EPHB1: variants seen among roughly 807,000 people sequenced by gnomAD.
The protein encoded by EPHB1 is ephrin type-B receptor 1.
In EPHB1, 30 loss-of-function variants were observed where a neutral mutation model predicts 94.4. The observed-to-expected ratio is 0.32, with a 90% CI of 0.24 to 0.43. The LOEUF is 0.43. Ranked by LOEUF, EPHB1 falls within the 20% of genes least tolerant of loss-of-function variation. The probability of loss-of-function intolerance (pLI) is 1.00; values close to 1 mark genes in which losing one functional copy is unlikely to be tolerated. For synonymous variants in EPHB1, 522 were observed against 489.1 expected, an observed-to-expected ratio of 1.07 and a Z score of -0.89; for missense variants, 1,055 against 1,308.3, an observed-to-expected ratio of 0.81 and a Z score of 2.99.
intron 1 of EPHB1, among the ~76,000 whole-genome samples, chr3:134,849,565 C>G (rs961448443): frequency 1.3e-5 from 2 of 152,104 alleles, no homozygotes; most frequent in Non-Finnish European, 1.5e-5. Flanking sequence ...TGGACTGGCA[C>G]GTGGAGCCTG....
At chr3:135,005,094 C>G (rs1935345844) in intron 3 of EPHB1, among the ~76,000 whole-genome samples, 1 of 152,140 alleles carries the variant, frequency 6.6e-6, no homozygotes, top group Non-Finnish European at 1.5e-5. Flanking sequence ...GTGGTTTTAT[C>G]CACTTTTGGT....
chr3:135,148,736 A>G (rs1941095744), intron 5 of EPHB1, among the ~76,000 whole-genome samples: 1 of 152,192 alleles, frequency 6.6e-6, no homozygotes, highest in South Asian at 2.1e-4. Context: ...TGTCTGCTTT[A>G]AAAGCAATTT....
In EPHB1 at chr3:135,257,605, C is replaced by T. The variant is rs1033087415; in HGVS notation, c.2847-1407C>T. 1.5e-4 allele frequency among the ~76,000 whole-genome samples: 23 copies of T among 151,916 alleles called. No individual in the cohort carries two copies. In the East Asian group the frequency reaches 3.7e-3, roughly 24 times the overall value. The stretch of plus-strand genomic sequence containing the variant: ...GATCTCCAGCTGCGTGCTGGGAGAA[C>T]CACTGCTCTCTTCAAAGCTGTCAGA... On this transcript the variant is annotated intron_variant, in intron 15 of 15. Coordinates refer to ENST00000398015, the MANE Select transcript of EPHB1 (RefSeq NM_004441.5).
chr3:135,245,613 CT>C (rs981444186), intron 13 of EPHB1, among the ~76,000 whole-genome samples: 5 of 151,178 alleles, frequency 3.3e-5, no homozygotes, highest in African/African-American at 1.2e-4. Context: ...TGAGACCATC[CT>C]GGCCAACGTG....
chr3:134,880,857 G>T (rs947029016), intron 1 of EPHB1, among the ~76,000 whole-genome samples: 1 of 152,232 alleles, frequency 6.6e-6, no homozygotes, highest in Non-Finnish European at 1.5e-5. Context: ...TTGGGTTTCT[G>T]GGTCTTCCTT....
intron 10 of EPHB1, among the ~76,000 whole-genome samples, chr3:135,184,471 C>T (rs1942276782): frequency 6.6e-6 from 1 of 152,126 alleles, no homozygotes; most frequent in African/African-American, 2.4e-5. Context: ...TTCGTCTTTC[C>T]TCACAAGGCT....
chr3:135,058,878 ACCAATGGAGGGTTTAGTATGAACC>A (rs1445180401), intron 3 of EPHB1, among the ~76,000 whole-genome samples: 6 of 152,110 alleles, frequency 3.9e-5, no homozygotes, highest in Non-Finnish European at 7.3e-5. Flanking sequence ...TTTTTAAGTC[ACCAATGGAGGGTTTAGTATGAACC>A]CTTTCCTAAC....
chr3:135,046,750 ACTT>A (rs796763400), intron 3 of EPHB1, among the ~76,000 whole-genome samples: 13 of 152,298 alleles, frequency 8.5e-5, no homozygotes, highest in African/African-American at 2.4e-4. Context: ...AAGTTTGAGA[ACTT>A]CTGTGCATCT....
At chr3:134,970,557 A>G (rs1933930241) in intron 3 of EPHB1, among the ~76,000 whole-genome samples, 1 of 152,144 alleles carries the variant, frequency 6.6e-6, no homozygotes, top group African/African-American at 2.4e-5. Context: ...CCTCACTAGT[A>G]TGTAGGCTAT....
intron 5 of EPHB1, among the ~76,000 whole-genome samples, chr3:135,147,274 G>A (rs1271380773): frequency 6.6e-6 from 1 of 152,196 alleles, no homozygotes; most frequent in East Asian, 1.9e-4. Context: ...ATTTGGCTGG[G>A]AAACGCTGTT....
At chr3:134,930,647 C>G (rs908163272) in intron 2 of EPHB1, among the ~76,000 whole-genome samples, 8 of 152,248 alleles carry the variant, frequency 5.3e-5, no homozygotes, top group African/African-American at 1.9e-4. Flanking sequence ...ATGGGCAGTG[C>G]TCTGTAAGTA....
intron 3 of EPHB1, among the ~76,000 whole-genome samples, chr3:134,952,664 G>A (rs1933083383): frequency 6.6e-6 from 1 of 152,214 alleles, no homozygotes; most frequent in African/African-American, 2.4e-5. Flanking sequence ...TGGAATGGGA[G>A]TGGGACTGTA....
In EPHB1 at chr3:135,026,217, A is replaced by T. The variant is rs879765344; in HGVS notation, c.805+74165A>T. Among the ~76,000 whole-genome samples, 233 of 140,172 alleles carry T rather than the reference A, an allele frequency of 1.7e-3. 1 individual carries two copies. Among genetic ancestry groups the T allele is most frequent in the African/African-American group, 5.9e-3 (225 of 38,194 alleles). The allele number at this position is 140,172 out of a possible 152,430, so 92.0% of individuals were successfully genotyped here. On this transcript the variant is annotated intron_variant, in intron 3 of 15. Transcript: ENST00000398015. ...TGCTGTGCAGAAGCTCTTTAGTTTAATTAGATCCCATTTGTCAATTTTGTC... is the reference window on the plus strand; with the variant it reads ...TGCTGTGCAGAAGCTCTTTAGTTTATTTAGATCCCATTTGTCAATTTTGTC...
intron 2 of EPHB1, among the ~76,000 whole-genome samples, chr3:134,928,838 T>C (rs1489122148): frequency 7.5e-6 from 1 of 133,400 alleles, no homozygotes; most frequent in African/African-American, 2.8e-5. Flanking sequence ...TGGGAAAGAG[T>C]GGGCTGGGAG....
intron 1 of EPHB1, among the ~76,000 whole-genome samples, chr3:134,823,652 C>T (rs985303417): frequency 3.3e-5 from 5 of 152,200 alleles, no homozygotes; most frequent in African/African-American, 1.2e-4. Flanking sequence ...TTTCTTTCTA[C>T]TCTTCCCATG....
intron 3 of EPHB1, among the ~76,000 whole-genome samples, chr3:135,005,667 G>A (rs1010426620): frequency 2.6e-5 from 4 of 152,236 alleles, no homozygotes; most frequent in African/African-American, 7.2e-5. Context: ...CTGGTGCGCT[G>A]TTTTTTAAGC....
intron 1 of EPHB1, among the ~76,000 whole-genome samples, chr3:134,818,802 C>T (rs1035851585): frequency 2.6e-5 from 4 of 152,174 alleles, no homozygotes; most frequent in African/African-American, 9.7e-5. Context: ...GTTGGTTCCA[C>T]GATTTTGGAA....
At chr3:134,937,636 C>A (rs748635855) in intron 2 of EPHB1, among the ~76,000 whole-genome samples, 3 of 152,234 alleles carry the variant, frequency 2.0e-5, no homozygotes, top group African/African-American at 7.2e-5. Flanking sequence ...GCAGAAATCC[C>A]GCCAAGCTGA....
At chr3:135,086,551 G>A (rs1441690374) in intron 3 of EPHB1, among the ~76,000 whole-genome samples, 2 of 151,686 alleles carry the variant, frequency 1.3e-5, no homozygotes, top group Admixed American at 1.3e-4. Flanking sequence ...CCACCACCAT[G>A]CCTTTATGCA....
Sources: allele counts gnomAD v4.1 joint callset (sites outside exome capture counted in the v4.1 genomes callset), GRCh38; gene constraint gnomAD v4.1.1; transcripts MANE v1.5; gene names NCBI Gene and HGNC (gene_info 2026-07-23, HGNC 2026-07-21).